The following UBE2E2 variants were observed in gnomAD, a reference collection of about 807,000 sequenced individuals.
UBE2E2 encodes ubiquitin conjugating enzyme E2 E2.
Under a neutral mutation model 24.7 loss-of-function variants are expected in UBE2E2, and 6 were observed. That is an observed-to-expected ratio of 0.24 (90% confidence interval 0.13 to 0.48). The LOEUF is 0.48. Ranked by LOEUF, UBE2E2 falls within the 20% of genes least tolerant of loss-of-function variation. The pLI is 0.99. For synonymous variants in UBE2E2, 104 were observed against 83.6 expected, an observed-to-expected ratio of 1.24 and a Z score of -1.33; for missense variants, 169 against 245.0, an observed-to-expected ratio of 0.69 and a Z score of 2.07.
chr3:23,276,875 G>T (rs1280651169), intron 3 of UBE2E2, among the ~76,000 whole-genome samples: 3 of 151,994 alleles, frequency 2.0e-5, no homozygotes, highest in African/African-American at 7.2e-5. Flanking sequence ...ATTTTTCATA[G>T]TATTAATATT....
intron 3 of UBE2E2, among the ~76,000 whole-genome samples, chr3:23,398,305 T>A (rs1331118844): frequency 1.0e-5 from 1 of 96,268 alleles, no homozygotes; most frequent in African/African-American, 5.7e-5. Context: ...AGAGCAAGAC[T>A]CCATCTCAAA....
At chr3:23,265,924 C>A (rs1042999694) in intron 3 of UBE2E2, among the ~76,000 whole-genome samples, 1 of 152,196 alleles carries the variant, frequency 6.6e-6, no homozygotes, top group African/African-American at 2.4e-5. Context: ...CTCTTTTGAT[C>A]TTTGTTGGTT....
chr3:23,583,044 G>C lies in UBE2E2; in HGVS notation c.509-6690G>C, dbSNP rs934615300. 6.6e-6 allele frequency among the ~76,000 whole-genome samples: 1 copy of C among 152,042 alleles called. No individual in the cohort carries two copies. Among genetic ancestry groups the C allele is most frequent in the African/African-American group, 2.4e-5 (1 of 41,368 alleles). On this transcript the variant is annotated intron_variant, in intron 5 of 5. Coordinates refer to ENST00000396703, the MANE Select transcript of UBE2E2 (RefSeq NM_152653.4). The surrounding 1 kb of genome is among the most constrained non-coding windows in gnomAD (Gnocchi z 4.1). ...ATGGTATTTCCTAAGTTGTCTTCCA[G>C]GGTTTTCATAGTTTTAGGTTTTACA...
intron 3 of UBE2E2, among the ~76,000 whole-genome samples, chr3:23,297,951 C>T (rs1400813155): frequency 6.6e-6 from 1 of 151,804 alleles, no homozygotes; most frequent in Non-Finnish European, 1.5e-5. Flanking sequence ...TTTGTATCCT[C>T]TTTTATTTCC....
At chr3:23,571,280 C>CTTTTTTTTTTTTTTT (rs59243406) in intron 5 of UBE2E2, among the ~76,000 whole-genome samples, 593 of 29,850 alleles carry the variant, frequency 0.02, 223 homozygotes, top group African/African-American at 0.024. Flanking sequence ...GTGCTCCTTT[C>CTTTTTTTTTTTTTTT]TTTTTTTTTT....
At chr3:23,494,265 C>T (rs948099501) in intron 3 of UBE2E2, among the ~76,000 whole-genome samples, 9 of 151,846 alleles carry the variant, frequency 5.9e-5, no homozygotes, top group African/African-American at 1.9e-4. Flanking sequence ...TTTAAATCTC[C>T]TGACAGCCAG....
intron 3 of UBE2E2, among the ~76,000 whole-genome samples, chr3:23,328,575 A>C (rs954081415): frequency 6.6e-6 from 1 of 152,024 alleles, no homozygotes; most frequent in Admixed American, 6.5e-5. Flanking sequence ...TTTTCAGTTT[A>C]TGATGGCTTT....
chr3:23,307,587 A>C (rs1699270937), intron 3 of UBE2E2, among the ~76,000 whole-genome samples: 1 of 152,212 alleles, frequency 6.6e-6, no homozygotes, highest in Non-Finnish European at 1.5e-5. Flanking sequence ...GCATCTAGAC[A>C]GTAATTGAAA....
chr3:23,283,586 G>A (rs1170958074), intron 3 of UBE2E2, among the ~76,000 whole-genome samples: 1 of 152,068 alleles, frequency 6.6e-6, no homozygotes, highest in Non-Finnish European at 1.5e-5. Flanking sequence ...AATTAGCTGG[G>A]CATGGTGGCA....
At chr3:23,405,409 A>C (rs1410340412) in intron 3 of UBE2E2, among the ~76,000 whole-genome samples, 1 of 152,234 alleles carries the variant, frequency 6.6e-6, no homozygotes, top group Non-Finnish European at 1.5e-5. Context: ...CTGAAAAGCC[A>C]GCTCTTCTGA....
chr3:23,330,102 C>T (rs889326960), intron 3 of UBE2E2, among the ~76,000 whole-genome samples: 10 of 152,178 alleles, frequency 6.6e-5, no homozygotes, highest in African/African-American at 2.4e-4. Flanking sequence ...GAGAAGCTAG[C>T]CTTTCCTCAG....
Position 23,504,363 on chromosome 3 carries a change from A to T in UBE2E2, c.360+4623A>T, listed in dbSNP as rs553042816. On this transcript the variant is annotated intron_variant, in intron 4 of 5. Coordinates refer to ENST00000396703, the MANE Select transcript of UBE2E2 (RefSeq NM_152653.4). ...GTGGCTGAACAATTAGGTTCTTCTC[A>T]TTGCTTCTGTTATAATCAGTGATGT... 2.0e-5 allele frequency among the ~76,000 whole-genome samples: 3 copies of T among 152,282 alleles called. No individual in the cohort carries two copies. In the South Asian group the frequency reaches 6.2e-4, roughly 32 times the overall value.
chr3:23,284,865 A>G (rs1366057574), intron 3 of UBE2E2, among the ~76,000 whole-genome samples: 3 of 151,526 alleles, frequency 2.0e-5, no homozygotes, highest in Non-Finnish European at 4.4e-5. Context: ...TTCTAAATTT[A>G]TAATTATTAC....
At chr3:23,272,825 C>A (rs1043068727) in intron 3 of UBE2E2, among the ~76,000 whole-genome samples, 1 of 152,078 alleles carries the variant, frequency 6.6e-6, no homozygotes, top group East Asian at 1.9e-4. Flanking sequence ...CCAGGAGAGC[C>A]AGTAGTATAA....
At chr3:23,431,026 A>G (rs888269277) in intron 3 of UBE2E2, among the ~76,000 whole-genome samples, 2 of 152,200 alleles carry the variant, frequency 1.3e-5, no homozygotes, top group Non-Finnish European at 2.9e-5. Flanking sequence ...GAGAAACTGC[A>G]GAATGTTCTA....
At chr3:23,579,556 C>T (rs1157772171) in intron 5 of UBE2E2, among the ~76,000 whole-genome samples, 1 of 151,282 alleles carries the variant, frequency 6.6e-6, no homozygotes, top group Non-Finnish European at 1.5e-5. Context: ...AAAAGTTAGC[C>T]AGGCATGACG....
At chr3:23,249,814 C>G (rs1697524802) in intron 3 of UBE2E2, among the ~76,000 whole-genome samples, 1 of 152,022 alleles carries the variant, frequency 6.6e-6, no homozygotes, top group Non-Finnish European at 1.5e-5. Flanking sequence ...CGCCACCACA[C>G]CTGGCTAATT....
At chr3:23,526,734 T>C (rs75330799) in intron 4 of UBE2E2, among the ~76,000 whole-genome samples, 4,346 of 152,284 alleles carry the variant, frequency 0.029, 92 homozygotes, top group Non-Finnish European at 0.041. Context: ...CATTAGAACA[T>C]GTTGGAACAG....
chr3:23,269,314 G>T (rs1035218684), intron 3 of UBE2E2, among the ~76,000 whole-genome samples: 2 of 152,142 alleles, frequency 1.3e-5, no homozygotes, highest in African/African-American at 4.8e-5. Flanking sequence ...CTGACAAAGG[G>T]CTAATATCCA....
Sources: gnomAD v4.1 joint callset for allele counts (sites outside exome capture counted in the v4.1 genomes callset) on GRCh38, gnomAD v4.1.1 for gene constraint, Gnocchi (gnomAD v3.1) non-coding constraint, MANE v1.5 for transcripts, NCBI Gene and HGNC (gene_info 2026-07-23, HGNC 2026-07-21) for gene names.